MYO16: variants seen among roughly 807,000 people sequenced by gnomAD.
The protein encoded by MYO16 is myosin XVI.
A neutral mutation model predicts 205.3 loss-of-function variants in MYO16; 94 were observed. The observed-to-expected ratio is 0.46, with a 90% CI of 0.39 to 0.54. The LOEUF is 0.54. MYO16 is among the 20% of genes least tolerant of loss of function. MYO16 has a pLI of 0.00. For synonymous variants in MYO16, 988 were observed against 954.0 expected (o/e 1.04, Z -0.66); for missense variants, 2,315 against 2,387.5 (o/e 0.97, Z 0.63).
chr13:109,081,649 C>T (rs536626805), intron 27 of MYO16, among the ~76,000 whole-genome samples: 2 of 152,054 alleles, frequency 1.3e-5, no homozygotes, highest in East Asian at 1.9e-4. Flanking sequence ...TGGACCTGAG[C>T]GTAAGGGTAG....
chr13:109,085,775 C>T (rs973332479), intron 27 of MYO16, among the ~76,000 whole-genome samples: 5 of 152,006 alleles, frequency 3.3e-5, no homozygotes, highest in East Asian at 3.9e-4. Context: ...GGGACACTGA[C>T]GATGTGTAAG....
intron 4 of MYO16, among the ~76,000 whole-genome samples, chr13:108,741,126 G>T (rs1414546876): frequency 6.6e-6 from 1 of 151,994 alleles, no homozygotes; most frequent in Non-Finnish European, 1.5e-5. Flanking sequence ...TACTCGGTGG[G>T]CTTCACCCAC....
intron 1 of MYO16, among the ~76,000 whole-genome samples, chr13:108,617,569 G>A (rs1331407914): frequency 1.2e-4 from 19 of 152,128 alleles, no homozygotes; most frequent in Admixed American, 1.2e-3. Context: ...ACAGGTACGG[G>A]CTTTCATCTG....
At chr13:108,882,879 G>A (rs899486960) in intron 12 of MYO16, among the ~76,000 whole-genome samples, 180 bp from the exon 13 acceptor site, 10 of 152,186 alleles carry the variant, frequency 6.6e-5, no homozygotes, top group African/African-American at 2.2e-4. Context: ...TTGTCATTAT[G>A]CATGCTGAAA....
chr13:108,499,885 G>A, the MYO16 span, among the ~76,000 whole-genome samples: 141,766 of 152,192 alleles, frequency 0.93, 66,133 homozygotes, highest in Middle Eastern at 0.99. Context: ...AAGCGTCTCC[G>A]TTCCCTCCCT....
At chr13:109,200,687 T>C (rs1337904307) in intron 34 of MYO16, among the ~76,000 whole-genome samples, 1 of 151,812 alleles carries the variant, frequency 6.6e-6, no homozygotes, top group African/African-American at 2.4e-5. Flanking sequence ...CTGGGACTTT[T>C]TTTTTTTTTT....
intron 28 of MYO16, chr13:109,101,749 T>C (rs1435199837): frequency 1.3e-5 from 2 of 152,114 alleles, no homozygotes; most frequent in East Asian, 3.9e-4. Context: ...CAAAAACAAA[T>C]GGTAGCTAAA....
chr13:108,840,764 A>T lies in MYO16; in HGVS notation c.1098-3579A>T, dbSNP rs916814327. Among the ~76,000 whole-genome samples the T allele has an allele frequency of 2.0e-5, 3 of 152,146 alleles. No individual in the cohort carries two copies. The East Asian group carries it at 5.8e-4, about 29-fold the overall frequency. On this transcript the variant is annotated intron_variant, in intron 9 of 34. Transcript: ENST00000457511. ...TTGCCCAGGCTGGTCTCAGTCTCCT[A>T]GACTTAAGCAATCCTTCTACAGTCA...
intron 2 of MYO16, among the ~76,000 whole-genome samples, chr13:108,700,890 A>G (rs1883281819): frequency 1.3e-5 from 2 of 152,100 alleles, no homozygotes; most frequent in Admixed American, 6.5e-5. Context: ...GAAGACCCCA[A>G]TTTCTCTCCT....
At chr13:109,188,286 T>G (rs1879768655) in intron 34 of MYO16, among the ~76,000 whole-genome samples, 2 of 152,312 alleles carry the variant, frequency 1.3e-5, no homozygotes, top group Non-Finnish European at 2.9e-5. Flanking sequence ...TGTTTCTTCG[T>G]AACTTCTTAA....
chr13:108,802,275 C>CTCT (rs1886991150), intron 6 of MYO16, among the ~76,000 whole-genome samples: 1 of 152,146 alleles, frequency 6.6e-6, no homozygotes, highest in Non-Finnish European at 1.5e-5. Context: ...TGGCAACCAT[C>CTCT]ATTCTTCTCT....
chr13:108,603,666 A>G (rs1398888981), intron 1 of MYO16, among the ~76,000 whole-genome samples: 2 of 152,042 alleles, frequency 1.3e-5, no homozygotes, highest in South Asian at 2.1e-4. Flanking sequence ...TTATAGCACT[A>G]TCTATATTTT....
At chr13:108,613,994 C>G (rs1473596912) in intron 1 of MYO16, among the ~76,000 whole-genome samples, 1 of 151,940 alleles carries the variant, frequency 6.6e-6, no homozygotes, top group Non-Finnish European at 1.5e-5. Flanking sequence ...ACTTACATAA[C>G]AAAATGAAAT....
intron 31 of MYO16, among the ~76,000 whole-genome samples, chr13:109,137,862 C>A (rs566545532): frequency 1.3e-5 from 2 of 152,300 alleles, no homozygotes; most frequent in South Asian, 2.1e-4. Flanking sequence ...CCTGCCCTAC[C>A]AAGCCCAGCA....
chr13:109,070,490 C>A (rs1887891059), intron 27 of MYO16, among the ~76,000 whole-genome samples: 1 of 152,160 alleles, frequency 6.6e-6, no homozygotes, highest in South Asian at 2.1e-4. Context: ...TATCAATAGA[C>A]CTAAACAGTT....
the MYO16 span, among the ~76,000 whole-genome samples, chr13:108,524,380 T>C: frequency 6.6e-6 from 1 of 152,122 alleles, no homozygotes; most frequent in Admixed American, 6.6e-5. Flanking sequence ...TCCCTCTCTC[T>C]TCTGTTTTCG....
chr13:108,856,209 T>G (rs963774545), intron 11 of MYO16, among the ~76,000 whole-genome samples: 2 of 152,198 alleles, frequency 1.3e-5, no homozygotes, highest in African/African-American at 4.8e-5. Context: ...TTTCTTTTTC[T>G]CTTCCACTCT....
intron 4 of MYO16, among the ~76,000 whole-genome samples, chr13:108,747,277 T>C (rs1331629480): frequency 6.6e-6 from 1 of 151,650 alleles, no homozygotes; most frequent in Non-Finnish European, 1.5e-5. Flanking sequence ...ATGACTTTCG[T>C]TTTTCTTATT....
intron 4 of MYO16, among the ~76,000 whole-genome samples, chr13:108,772,819 G>A (rs1313131243): frequency 2.0e-5 from 3 of 152,058 alleles, no homozygotes; most frequent in Non-Finnish European, 2.9e-5. Context: ...CATGTGTGTC[G>A]GGGGAGGATA....
Sources: allele counts gnomAD v4.1 joint callset (sites outside exome capture counted in the v4.1 genomes callset), GRCh38; gene constraint gnomAD v4.1.1; transcripts MANE v1.5; gene names NCBI Gene and HGNC (gene_info 2026-07-23, HGNC 2026-07-21).